The following AMZ1 variants were observed in gnomAD, a reference collection of about 807,000 sequenced individuals.
AMZ1 encodes archaemetzincin-1.
AMZ1 carries 39 observed loss-of-function variants against 29.9 expected under a neutral mutation model. The observed-to-expected ratio is 1.30, with a 90% CI of 1.01 to 1.70. The LOEUF (loss-of-function observed/expected upper bound fraction) is 1.70, where lower values mean the gene tolerates loss of function less well. AMZ1 is among the 40% of genes most tolerant of loss of function. The pLI, the probability that AMZ1 is intolerant of heterozygous loss-of-function variation, is 0.00. For missense variants in AMZ1, 1,041 were observed against 680.6 expected (o/e 1.53, Z -5.89); for synonymous variants, 458 against 304.0 (o/e 1.51, Z -5.27).
Position 2,713,169 on chromosome 7 carries a change from G to A in AMZ1, c.*291G>A. 1 of 281,314 alleles carries A rather than the reference G, an allele frequency of 3.6e-6. No individual in the cohort carries two copies. 17.4% of individuals were successfully genotyped at this position (281,314 alleles called of 1,614,324 possible). A position where few individuals can be genotyped will look rare whatever the true frequency, so the allele number is the denominator to read the frequency against. ...AGGTGGGAGGATTGCTTGAGCCTAG[G>A]AGGTCGAGGCTGCAGTGGGATGTGA... On this transcript the variant is annotated 3_prime_UTR_variant, in exon 7 of 7. Coordinates refer to ENST00000683327, the MANE Select transcript of AMZ1 (RefSeq NM_001384743.1).
intron 4 of AMZ1, among the ~76,000 whole-genome samples, chr7:2,748,798 TCAAA>T (rs1305581121): frequency 6.6e-6 from 1 of 151,698 alleles, no homozygotes; most frequent in East Asian, 1.9e-4. Flanking sequence ...TACAATGAAC[TCAAA>T]CAAATTTACA....
chr7:2,733,351 G>A lies in AMZ1; in HGVS notation n.550+23535G>A, dbSNP rs1789996098. On this transcript the variant is annotated intron_variant and non_coding_transcript_variant, in intron 4 of 4. Transcript: ENST00000489665. Reference sequence around the variant, plus strand: ...TAATGTGACAGAACAAGCTCGGCCTGTCAGTCCAGCCAAAGTCCTCACAAC... The same window carrying A: ...TAATGTGACAGAACAAGCTCGGCCTATCAGTCCAGCCAAAGTCCTCACAAC... The A allele has an allele frequency of 1.4e-5, 13 of 919,466 alleles. No individual in the cohort carries two copies. In the South Asian group the frequency reaches 1.7e-4, roughly 12 times the overall value. 57.0% of individuals were successfully genotyped at this position (919,466 alleles called of 1,614,324 possible).
At chr7:2,740,589 A>T (rs533311317) in intron 4 of AMZ1, among the ~76,000 whole-genome samples, 2 of 152,210 alleles carry the variant, frequency 1.3e-5, no homozygotes, top group Admixed American at 6.5e-5. Context: ...GCCGACAAAT[A>T]TAATTATGAA....
intron 1 of AMZ1, 141 bp downstream of exon 1, chr7:2,688,437 G>A (rs1787181641): frequency 6.6e-6 from 1 of 152,076 alleles, no homozygotes; most frequent in Non-Finnish European, 1.5e-5. Context: ...GGCGGCTACG[G>A]GCGCGCGGGG....
At chr7:2,709,506 G>T in intron 5 of AMZ1, 134 bp from the exon 6 acceptor site, 1 of 1,363,278 alleles carries the variant, frequency 7.3e-7, no homozygotes, top group Non-Finnish European at 9.8e-7. Flanking sequence ...GGGGCAGGGG[G>T]AGGGCGCCTG....
At chr7:2,754,781 A>C (rs1442073358) in intron 4 of AMZ1, among the ~76,000 whole-genome samples, 1 of 152,140 alleles carries the variant, frequency 6.6e-6, no homozygotes, top group Non-Finnish European at 1.5e-5. Flanking sequence ...AAACATTTCA[A>C]ATTTTGATGA....
intron 1 of AMZ1, among the ~76,000 whole-genome samples, chr7:2,692,134 G>A (rs1787427245): frequency 6.6e-6 from 1 of 152,196 alleles, no homozygotes; most frequent in Admixed American, 6.5e-5. Context: ...GTGGCGTCGG[G>A]TGCTCCGAGG....
intron 4 of AMZ1, among the ~76,000 whole-genome samples, chr7:2,749,730 T>A (rs951113211): frequency 6.6e-6 from 1 of 151,984 alleles, no homozygotes; most frequent in African/African-American, 2.4e-5. Context: ...CAAATGGAAA[T>A]TTTAGAACTA....
Position 2,709,121 on chromosome 7 carries a change from G to C in AMZ1, c.648G>C (p.Lys216Asn), listed in dbSNP as rs776768133. Residue 216 changes from lysine (K) to asparagine (N), a missense_variant, in exon 5 of 7, where the codon AAG (lysine) becomes AAC (asparagine). Physicochemically the swap from Lys to Asn is moderately conservative, Grantham distance 94. Transcript: ENST00000683327. ...SFARFSGEFP[K>N]SGPSAPDLAL... ...CCCGGTTCTCAGGGGAATTCCCGAA[G>C]TCGGGGCCCAGCGCCCCTGATCTGG... 3.1e-6 allele frequency: 5 copies of C among 1,601,034 alleles called. No homozygotes were observed. Among genetic ancestry groups the C allele is most frequent in the Admixed American group, 3.5e-5 (2 of 57,952 alleles).
chr7:2,734,763 G>A (rs938942444), intron 4 of AMZ1, among the ~76,000 whole-genome samples: 4 of 152,214 alleles, frequency 2.6e-5, no homozygotes, highest in African/African-American at 9.6e-5. Context: ...CCCCATCCCA[G>A]CACTGCCTGT....
At chr7:2,687,343 CT>C (rs774095911), upstream of AMZ1, among the ~76,000 whole-genome samples, 4 of 151,450 alleles carry the variant, frequency 2.6e-5, no homozygotes, top group Non-Finnish European at 4.4e-5. Flanking sequence ...AAAAAAAATT[CT>C]TTGCACTGGT....
At chr7:2,681,212 A>T (rs1380365409) in intron 1 of AMZ1, among the ~76,000 whole-genome samples, 1 of 152,218 alleles carries the variant, frequency 6.6e-6, no homozygotes, top group East Asian at 1.9e-4. Flanking sequence ...GGCATCATCA[A>T]CACAGCTTTT....
At chr7:2,743,575 T>A (rs1393763702) in intron 4 of AMZ1, among the ~76,000 whole-genome samples, 1 of 152,256 alleles carries the variant, frequency 6.6e-6, no homozygotes, top group East Asian at 1.9e-4. Context: ...GATGGCCGAA[T>A]AGGAACAGCT....
At chr7:2,700,007 GT>G (rs902892654) in intron 1 of AMZ1, among the ~76,000 whole-genome samples, 2 of 152,148 alleles carry the variant, frequency 1.3e-5, no homozygotes, top group African/African-American at 4.8e-5. Context: ...CGTCCCCTGG[GT>G]GGCCCATGGG....
rs1458544474 is a variant in AMZ1 at position 2,712,622 on chromosome 7, G to A, written c.1241G>A (p.Cys414Tyr). Residue 414 changes from cysteine (C) to tyrosine (Y), a missense_variant, in exon 7 of 7, where the codon TGC becomes TAC. Coordinates refer to ENST00000683327, the MANE Select transcript of AMZ1 (RefSeq NM_001384743.1). ...IKEHERWLAM[C>Y]IQALQREVAE... is the part of the protein sequence containing the mutation. ...GAGCATGAACGGTGGCTGGCCATGTGCATCCAGGCCCTGCAGCGGGAAGTG... is the reference window on the plus strand; with the variant it reads ...GAGCATGAACGGTGGCTGGCCATGTACATCCAGGCCCTGCAGCGGGAAGTG... 2 of 1,612,968 alleles carry A rather than the reference G, an allele frequency of 1.2e-6. No individual in the cohort carries two copies. The highest frequency in any genetic ancestry group is 1.7e-6 in the Non-Finnish European group (2 of 1,179,868).
intron 1 of AMZ1, 109 bp from the exon 2 acceptor site, chr7:2,700,125 C>G: frequency 2.8e-6 from 1 of 359,350 alleles, no homozygotes; most frequent in Non-Finnish European, 5.2e-6. Flanking sequence ...CACCCTCGTC[C>G]TCTGCAGAGC....
intron 2 of AMZ1, chr7:2,701,927 G>C (rs1472639155): frequency 6.6e-6 from 1 of 152,306 alleles, no homozygotes; most frequent in African/African-American, 2.4e-5. Context: ...CCTGCTAATG[G>C]CTCAGAGCCT....
At chr7:2,758,013 C>T (rs1466221523) in intron 4 of AMZ1, among the ~76,000 whole-genome samples, 1 of 152,178 alleles carries the variant, frequency 6.6e-6, no homozygotes, top group Non-Finnish European at 1.5e-5. Context: ...GCTCTACAGA[C>T]CTAATAAATG....
At chr7:2,709,535 T>C (rs4721977) in intron 5 of AMZ1, 105 bp from the exon 6 acceptor site, 879,970 of 1,474,552 alleles carry the variant, frequency 0.6, 267,237 homozygotes, top group East Asian at 0.82. Context: ...CCCGGCCATC[T>C]GGCCTCACCC....
Sources: gnomAD v4.1 joint callset for allele counts (sites outside exome capture counted in the v4.1 genomes callset) on GRCh38, gnomAD v4.1.1 for gene constraint, MANE v1.5 for transcripts, NCBI Gene and HGNC (gene_info 2026-07-23, HGNC 2026-07-21) for gene names.